The following SLC8A1 variants were observed in gnomAD, a reference collection of about 807,000 sequenced individuals.
SLC8A1 encodes sodium/calcium exchanger 1.
SLC8A1 carries 18 observed loss-of-function variants against 68.3 expected under a neutral mutation model. The observed-to-expected ratio is 0.26, with a 90% CI of 0.18 to 0.39. The LOEUF (loss-of-function observed/expected upper bound fraction) is 0.39. SLC8A1 is among the 10% of genes least tolerant of loss of function. The pLI, the probability that SLC8A1 is intolerant of heterozygous loss-of-function variation, is 1.00. For missense variants in SLC8A1, 985 were observed against 1,156.7 expected, an observed-to-expected ratio of 0.85 and a Z score of 2.15; for synonymous variants, 475 against 415.5, an observed-to-expected ratio of 1.14 and a Z score of -1.74.
At chr2:40,228,789 T>C (rs1237999730) in intron 2 of SLC8A1, among the ~76,000 whole-genome samples, 1 of 152,184 alleles carries the variant, frequency 6.6e-6, no homozygotes, top group East Asian at 1.9e-4. Context: ...TAACTAGACT[T>C]GATCACCAAT....
intron 2 of SLC8A1, among the ~76,000 whole-genome samples, chr2:40,182,562 A>C (rs1558653445): frequency 6.6e-6 from 1 of 152,198 alleles, no homozygotes; most frequent in South Asian, 2.1e-4. Flanking sequence ...ATTCCTTTTG[A>C]AGTTGGCAGT....
chr2:40,485,679 T>C (rs544548241), intron 1 of SLC8A1, among the ~76,000 whole-genome samples: 2 of 152,348 alleles, frequency 1.3e-5, no homozygotes, highest in African/African-American at 4.8e-5. Flanking sequence ...AAATATTTTA[T>C]TCATTGATAA....
intron 1 of SLC8A1, among the ~76,000 whole-genome samples, chr2:40,510,779 T>C (rs1051484549): frequency 2.6e-5 from 4 of 152,170 alleles, no homozygotes; most frequent in East Asian, 1.9e-4. Flanking sequence ...TATAGAAATA[T>C]GTTATTTTAA....
At chr2:40,289,753 C>T (rs1286556728) in intron 2 of SLC8A1, among the ~76,000 whole-genome samples, 2 of 151,738 alleles carry the variant, frequency 1.3e-5, no homozygotes, top group African/African-American at 2.4e-5. Context: ...CCCAGCTACT[C>T]AGGAGGGGAG....
chr2:40,468,138 T>C (rs1703799682), intron 1 of SLC8A1, among the ~76,000 whole-genome samples: 1 of 152,116 alleles, frequency 6.6e-6, no homozygotes, highest in African/African-American at 2.4e-5. Flanking sequence ...ATCTACATTA[T>C]ACCTTACACA....
At chr2:40,197,770 C>T (rs150050268) in intron 2 of SLC8A1, among the ~76,000 whole-genome samples, 2 of 68,462 alleles carry the variant, frequency 2.9e-5, no homozygotes, top group Non-Finnish European at 7.7e-5. Flanking sequence ...CTTTTCTCCA[C>T]TTTCTATGGA....
chr2:40,357,659 C>T (rs942703826), intron 2 of SLC8A1, among the ~76,000 whole-genome samples: 5 of 152,062 alleles, frequency 3.3e-5, no homozygotes, highest in African/African-American at 9.7e-5. Context: ...CCTGCACGTT[C>T]TGCACATGTA....
chr2:40,393,219 G>C lies in SLC8A1; in HGVS notation c.1808+35254C>G, dbSNP rs199538796. ...ACCTCTATTTTTTTCTGAAAATTCC[G>C]AAAGTACAATGATTAGAACACACTT... On this transcript the variant is annotated intron_variant, in intron 2 of 7. Coordinates refer to ENST00000406785, the Ensembl canonical transcript of SLC8A1. Among the ~76,000 whole-genome samples, 9 of 120,568 alleles carry C rather than the reference G, an allele frequency of 7.5e-5. No homozygotes were observed. The East Asian group carries it at 2.6e-3, about 35-fold the overall frequency. The allele number at this position is 120,568 out of a possible 152,430, so 79.1% of individuals were successfully genotyped here.
chr2:40,483,350 C>G (rs1365544760), intron 1 of SLC8A1, among the ~76,000 whole-genome samples: 1 of 151,746 alleles, frequency 6.6e-6, no homozygotes, highest in Non-Finnish European at 1.5e-5. Flanking sequence ...ACACATCTGG[C>G]CCCCAGAAGC....
intron 1 of SLC8A1, among the ~76,000 whole-genome samples, chr2:40,441,206 AACATAGCTT>A (rs1221648635): frequency 1.3e-5 from 2 of 152,138 alleles, no homozygotes; most frequent in Non-Finnish European, 2.9e-5. Context: ...AATATTTGGG[AACATAGCTT>A]ACAAGGGACG....
chr2:40,281,170 G>A (rs1379664646), intron 2 of SLC8A1, among the ~76,000 whole-genome samples: 1 of 151,958 alleles, frequency 6.6e-6, no homozygotes, highest in Non-Finnish European at 1.5e-5. Flanking sequence ...AACAAACGGA[G>A]TTTACCAGGG....
chr2:40,326,335 C>G (rs957659781), intron 2 of SLC8A1, among the ~76,000 whole-genome samples: 2 of 152,066 alleles, frequency 1.3e-5, no homozygotes, highest in Admixed American at 1.3e-4. Context: ...GAACAGATCT[C>G]CTGGCCAAGA....
At chr2:40,418,992 G>C (rs549425284) in intron 2 of SLC8A1, among the ~76,000 whole-genome samples, 7 of 152,308 alleles carry the variant, frequency 4.6e-5, no homozygotes, top group African/African-American at 1.7e-4. Flanking sequence ...GAGAGAAGGA[G>C]GCCAAAGAAG....
At chr2:40,358,584 A>G (rs1006271928) in intron 2 of SLC8A1, among the ~76,000 whole-genome samples, 3 of 152,200 alleles carry the variant, frequency 2.0e-5, no homozygotes, top group African/African-American at 4.8e-5. Flanking sequence ...AGCTGAACTG[A>G]GGATCAATTA....
chr2:40,268,991 A>G (rs1340737442), intron 2 of SLC8A1, among the ~76,000 whole-genome samples: 1 of 152,198 alleles, frequency 6.6e-6, no homozygotes, highest in Non-Finnish European at 1.5e-5. Flanking sequence ...AAGGACTCCA[A>G]ATATGAACTC....
At chr2:40,378,009 G>C (rs1012482458) in intron 2 of SLC8A1, among the ~76,000 whole-genome samples, 2 of 152,044 alleles carry the variant, frequency 1.3e-5, no homozygotes, top group Admixed American at 1.3e-4. Flanking sequence ...TGTACTCTTT[G>C]TCATCCATTC....
exon 8 of SLC8A1, chr2:40,108,296 T>C (rs2034348819): frequency 6.6e-6 from 1 of 152,210 alleles, no homozygotes; most frequent in African/African-American, 2.4e-5. Context: ...AACATGCTTT[T>C]CTTTGGTTGC....
At position 40,507,088 on chromosome 2, in the gene SLC8A1, T is replaced by C. The variant is rs1417656278; in HGVS notation, c.-25+5261A>G. On this transcript the variant is annotated intron_variant, in intron 1 of 7. Transcript: ENST00000402441. The stretch of plus-strand genomic sequence containing the variant: ...CTCATAAGCAAATGTAAGTTAATTG[T>C]CGAGTGGATTTCTTATTGTTCATTT... Among the ~76,000 whole-genome samples, 6 of 152,036 alleles carry C rather than the reference T, an allele frequency of 3.9e-5. No homozygotes were observed. In the East Asian group the frequency reaches 1.2e-3, roughly 29 times the overall value.
chr2:40,175,303 A>G (rs2048271987), intron 3 of SLC8A1, 22 bp from the exon 4 acceptor site: 2 of 1,610,860 alleles, frequency 1.2e-6, no homozygotes, highest in African/African-American at 1.3e-5. Context: ...ACAGACAAAG[A>G]CAAACACAGA....
Sources: allele counts gnomAD v4.1 joint callset (sites outside exome capture counted in the v4.1 genomes callset), GRCh38; gene constraint gnomAD v4.1.1; transcripts MANE v1.5; gene names NCBI Gene and HGNC (gene_info 2026-07-23, HGNC 2026-07-21).